GALNT13: variants seen among roughly 807,000 people sequenced by gnomAD.
GALNT13 encodes the protein polypeptide N-acetylgalactosaminyltransferase 13, also known as UDP-GalNAc:polypeptide N-acetylgalactosaminyltransferase 13.
In GALNT13, 28 loss-of-function variants were observed where a neutral mutation model predicts 64.2. That is an observed-to-expected ratio of 0.44 (90% CI 0.32 to 0.60). The LOEUF is 0.60. Ranked by LOEUF, GALNT13 falls within the 20% of genes least tolerant of loss-of-function variation. The pLI, the probability that GALNT13 is intolerant of heterozygous loss-of-function variation, is 0.05. For synonymous variants in GALNT13, 214 were observed against 224.6 expected, an observed-to-expected ratio of 0.95 and a Z score of 0.42; for missense variants, 577 against 669.8, an observed-to-expected ratio of 0.86 and a Z score of 1.53.
chr2:153,647,301 T>C, the GALNT13 span, among the ~76,000 whole-genome samples: 1 of 152,240 alleles, frequency 6.6e-6, no homozygotes, highest in African/African-American at 2.4e-5. Context: ...ACCCACTTGT[T>C]GATGGGGTTA....
At chr2:154,439,842 T>G (rs1450690679) in intron 12 of GALNT13, among the ~76,000 whole-genome samples, 1 of 152,162 alleles carries the variant, frequency 6.6e-6, no homozygotes, top group Non-Finnish European at 1.5e-5. Context: ...AATCATCTTC[T>G]GGGCCATAAT....
At chr2:153,277,071 T>A in the GALNT13 span, among the ~76,000 whole-genome samples, 125,608 of 152,134 alleles carry the variant, frequency 0.83, 53,048 homozygotes, top group African/African-American at 0.91. Flanking sequence ...GTTTTATTTT[T>A]GATTCAAGAG....
chr2:153,434,272 T>C, the GALNT13 span, among the ~76,000 whole-genome samples: 1 of 152,206 alleles, frequency 6.6e-6, no homozygotes, highest in Non-Finnish European at 1.5e-5. Context: ...CTATTGTGAA[T>C]AGTGCTGCAA....
chr2:154,023,094 G>A (rs1468052037), intron 3 of GALNT13, among the ~76,000 whole-genome samples: 1 of 152,142 alleles, frequency 6.6e-6, no homozygotes, highest in Non-Finnish European at 1.5e-5. Context: ...CATTTGCTGA[G>A]GAGTGCTTTA....
At chr2:154,191,603 T>TA (rs1176353358) in intron 4 of GALNT13, among the ~76,000 whole-genome samples, 1 of 152,142 alleles carries the variant, frequency 6.6e-6, no homozygotes, top group Non-Finnish European at 1.5e-5. Context: ...GAGAGATGCT[T>TA]AACTGATGAT....
the GALNT13 span, chr2:153,762,595 T>C: frequency 5.9e-6 from 1 of 170,366 alleles, no homozygotes; most frequent in Non-Finnish European, 1.3e-5. Context: ...TCTTCCTTAG[T>C]GGTACTTTGT....
chr2:153,857,902 G>A, the GALNT13 span, among the ~76,000 whole-genome samples: 2 of 152,126 alleles, frequency 1.3e-5, no homozygotes, highest in Non-Finnish European at 2.9e-5. Context: ...TTCAGAGTAA[G>A]ACTTATGTGC....
At chr2:153,778,299 G>A in the GALNT13 span, among the ~76,000 whole-genome samples, 1 of 152,150 alleles carries the variant, frequency 6.6e-6, no homozygotes, top group Non-Finnish European at 1.5e-5. Context: ...GGCAGGCCAG[G>A]GTGGTCCTGG....
the GALNT13 span, among the ~76,000 whole-genome samples, chr2:153,257,185 G>A: frequency 4.9e-4 from 74 of 152,336 alleles, no homozygotes; most frequent in African/African-American, 1.5e-3. Flanking sequence ...TCGGAAAAGC[G>A]CAGTATTCGG....
the GALNT13 span, among the ~76,000 whole-genome samples, chr2:153,668,815 A>G: frequency 6.6e-5 from 10 of 152,090 alleles, no homozygotes; most frequent in African/African-American, 9.7e-5. Flanking sequence ...ACGGATAAGG[A>G]AAGGATTCCA....
At chr2:154,387,019 C>T (rs1422462125) in intron 9 of GALNT13, among the ~76,000 whole-genome samples, 1 of 152,006 alleles carries the variant, frequency 6.6e-6, no homozygotes, top group Non-Finnish European at 1.5e-5. Context: ...CTCATTTTTA[C>T]TCCATTAAAA....
the GALNT13 span, among the ~76,000 whole-genome samples, chr2:153,479,713 C>T: frequency 2.6e-5 from 4 of 152,214 alleles, no homozygotes; most frequent in East Asian, 7.7e-4. Flanking sequence ...TACTGGGAGC[C>T]CTCCCCATTT....
chr2:153,138,783 G>C, the GALNT13 span, among the ~76,000 whole-genome samples: 1 of 151,924 alleles, frequency 6.6e-6, no homozygotes, highest in South Asian at 2.1e-4. Flanking sequence ...CACAGCTTTC[G>C]CAATCTCTTG....
chr2:153,678,134 G>A, the GALNT13 span, among the ~76,000 whole-genome samples: 1 of 145,574 alleles, frequency 6.9e-6, no homozygotes, highest in African/African-American at 2.5e-5. Context: ...GAAAATATTT[G>A]CATCTATGCA....
At chr2:154,082,039 A>T (rs1291458644) in intron 3 of GALNT13, among the ~76,000 whole-genome samples, 1 of 151,740 alleles carries the variant, frequency 6.6e-6, no homozygotes, top group East Asian at 1.9e-4. Flanking sequence ...TCCCTATCCA[A>T]ATAGATTCCC....
At chr2:153,235,525 T>G in the GALNT13 span, among the ~76,000 whole-genome samples, 2 of 152,126 alleles carry the variant, frequency 1.3e-5, no homozygotes, top group African/African-American at 2.4e-5. Context: ...TGCTAGTACA[T>G]GTATCGCATG....
At chr2:153,237,871 T>A in the GALNT13 span, among the ~76,000 whole-genome samples, 1 of 152,084 alleles carries the variant, frequency 6.6e-6, no homozygotes, top group Non-Finnish European at 1.5e-5. Context: ...TGCTGGATAA[T>A]ATGGTAGTTC....
chr2:154,192,808 G>C (rs1686669362), intron 4 of GALNT13, among the ~76,000 whole-genome samples: 1 of 152,072 alleles, frequency 6.6e-6, no homozygotes, highest in South Asian at 2.1e-4. Context: ...TTTACTTAAG[G>C]CTTATGTGTA....
chr2:154,408,874 T>C (rs1699668682), intron 10 of GALNT13, 110 bp from the exon 11 acceptor site: 2 of 693,698 alleles, frequency 2.9e-6, no homozygotes, highest in Admixed American at 2.8e-5. Flanking sequence ...AATTTTCTTA[T>C]GAAGTTGTAT....
Sources: allele counts gnomAD v4.1 joint callset (sites outside exome capture counted in the v4.1 genomes callset), GRCh38; gene constraint gnomAD v4.1.1; transcripts MANE v1.5; gene names NCBI Gene and HGNC (gene_info 2026-07-23, HGNC 2026-07-21).